Variants in TLE4 observed in about 807,000 individuals in gnomAD.
TLE4 encodes transducin-like enhancer protein 4.
TLE4 carries 8 observed loss-of-function variants against 92.8 expected under a neutral mutation model. That is an observed-to-expected ratio of 0.09 (90% CI 0.05 to 0.16). TLE4 has a LOEUF of 0.16. Among genes scored for constraint, TLE4 ranks in the 10% least tolerant of loss-of-function variants. The pLI is 1.00. For missense variants in TLE4, 675 were observed against 997.6 expected (o/e 0.68, Z 4.36); for synonymous variants, 371 against 374.1 (o/e 0.99, Z 0.10).
At chr9:79,583,160 T>C (rs1468035433) in intron 4 of TLE4, among the ~76,000 whole-genome samples, 1 of 152,190 alleles carries the variant, frequency 6.6e-6, no homozygotes, top group Non-Finnish European at 1.5e-5. Flanking sequence ...TCTCTTTTCA[T>C]TGGAACTTAC....
At chr9:79,685,107 T>C (rs1316887082) in intron 8 of TLE4, among the ~76,000 whole-genome samples, 1 of 152,120 alleles carries the variant, frequency 6.6e-6, no homozygotes, top group African/African-American at 2.4e-5. Flanking sequence ...TCATGAGAAA[T>C]AGCCCACGCC....
chr9:79,656,275 C>T (rs1485343712), intron 8 of TLE4, among the ~76,000 whole-genome samples: 1 of 152,164 alleles, frequency 6.6e-6, no homozygotes, highest in Non-Finnish European at 1.5e-5. Flanking sequence ...TTATGATTGT[C>T]TGCTGTGTGA....
At chr9:79,682,010 C>T (rs1314708675) in intron 8 of TLE4, among the ~76,000 whole-genome samples, 1 of 151,746 alleles carries the variant, frequency 6.6e-6, no homozygotes, top group Non-Finnish European at 1.5e-5. Flanking sequence ...CTCATGTAAC[C>T]TGTTATTGTT....
intron 5 of TLE4, 27 bp downstream of exon 5, chr9:79,612,745 A>G: frequency 6.2e-7 from 1 of 1,607,654 alleles, no homozygotes; most frequent in Non-Finnish European, 8.5e-7. Flanking sequence ...TAGGCACTGG[A>G]CTAGAAGTTG....
chr9:79,572,718 G>C lies in TLE4; in HGVS notation c.-73G>C. 6.6e-7 allele frequency: 1 copy of C among 1,515,802 alleles called. No individual in the cohort carries two copies. Among genetic ancestry groups the C allele is most frequent in the Non-Finnish European group, 9.0e-7 (1 of 1,113,704 alleles). The allele number at this position is 1,515,802 out of a possible 1,614,324, so 93.9% of individuals were successfully genotyped here. ...GCCGGCCGCCTCCGCTGCCGCGGCCGCCTCCTCTTCGGGGTCATTAAAGCC... is the reference window on the plus strand; with the variant it reads ...GCCGGCCGCCTCCGCTGCCGCGGCCCCCTCCTCTTCGGGGTCATTAAAGCC... On this transcript the variant is annotated 5_prime_UTR_variant, in exon 1 of 20. Coordinates refer to ENST00000376552, the MANE Select transcript of TLE4 (RefSeq NM_007005.6).
rs1343987655 is a variant in TLE4 at position 79,572,607 on chromosome 9, AC to A, written c.-181del. On this transcript the variant is annotated 5_prime_UTR_variant, in exon 1 of 20. The change creates a premature stop within an existing upstream ORF in the 5' untranslated region. Coordinates refer to ENST00000376552, the MANE Select transcript of TLE4 (RefSeq NM_007005.6). Reference sequence around the variant, plus strand: ...AATGCGGAGCGGCCCGGCAGCCGGCACCCAGCCGCCGCCGCGCGTTCCTGCC... The same window carrying A: ...AATGCGGAGCGGCCCGGCAGCCGGCACCAGCCGCCGCCGCGCGTTCCTGCC... 1.5e-5 allele frequency: 4 copies of A among 274,024 alleles called. No individual in the cohort carries two copies. The highest frequency in any genetic ancestry group is 5.6e-5 in the Admixed American group (1 of 18,004). The allele number at this position is 274,024 out of a possible 1,614,324, so 17.0% of individuals were successfully genotyped here. A position where few individuals can be genotyped will look rare whatever the true frequency, so the allele number is the denominator to read the frequency against.
chr9:79,607,797 T>C (rs1404354923), intron 4 of TLE4, among the ~76,000 whole-genome samples: 1 of 151,964 alleles, frequency 6.6e-6, no homozygotes, highest in Non-Finnish European at 1.5e-5. Flanking sequence ...TTTTGGTTAC[T>C]GTAGCCTTGT....
chr9:79,724,997 T>G (rs1270312460), intron 19 of TLE4, 40 bp from the exon 20 acceptor site: 1 of 1,511,136 alleles, frequency 6.6e-7, no homozygotes, highest in East Asian at 2.3e-5. Flanking sequence ...GGGATTTTCT[T>G]TCAGTATTTA....
chr9:79,696,943 C>T lies in TLE4; in HGVS notation c.610-7840C>T, dbSNP rs568995616. Among the ~76,000 whole-genome samples, 8 of 152,226 alleles carry T rather than the reference C, an allele frequency of 5.3e-5. No individual in the cohort carries two copies. In the South Asian group the frequency reaches 1.7e-3, roughly 32 times the overall value. On this transcript the variant is annotated intron_variant, in intron 8 of 19. Transcript: ENST00000376552. ...ACCCTCTCCACTTTTGTTTTTAGGGCAGTCAAACTCATGTACCACATGAGA... is the reference window on the plus strand; with the variant it reads ...ACCCTCTCCACTTTTGTTTTTAGGGTAGTCAAACTCATGTACCACATGAGA...
chr9:79,633,868 G>A (rs1180371735), intron 6 of TLE4, among the ~76,000 whole-genome samples: 1 of 152,148 alleles, frequency 6.6e-6, no homozygotes, highest in Non-Finnish European at 1.5e-5. Flanking sequence ...ATAAGAGACA[G>A]TCTCACACCA....
intron 4 of TLE4, among the ~76,000 whole-genome samples, chr9:79,610,302 G>A (rs996614224): frequency 1.2e-4 from 18 of 151,946 alleles, no homozygotes; most frequent in Middle Eastern, 3.2e-3. Context: ...TGGGCCCCAC[G>A]CCATTATATT....
intron 6 of TLE4, among the ~76,000 whole-genome samples, chr9:79,631,324 C>T (rs1036553494): frequency 6.6e-6 from 1 of 152,212 alleles, no homozygotes; most frequent in Non-Finnish European, 1.5e-5. Flanking sequence ...ACTTTCTCTA[C>T]CTCCTGCAGC....
intron 6 of TLE4, among the ~76,000 whole-genome samples, chr9:79,643,438 C>T (rs1385765651): frequency 6.6e-6 from 1 of 152,172 alleles, no homozygotes; most frequent in Non-Finnish European, 1.5e-5. Context: ...ACAAAATGTC[C>T]TTAATAGCAC....
chr9:79,691,780 C>T (rs993126329), intron 8 of TLE4, among the ~76,000 whole-genome samples: 2 of 152,200 alleles, frequency 1.3e-5, no homozygotes, highest in African/African-American at 2.4e-5. Flanking sequence ...TTTGCAGAAG[C>T]GTTTCCTGAC....
chr9:79,628,906 G>GTA lies in TLE4; in HGVS notation c.390+1459_390+1460insAT, dbSNP rs1250782858. On this transcript the variant is annotated intron_variant, in intron 6 of 19. Transcript: ENST00000376552. The stretch of plus-strand genomic sequence containing the variant: ...TGTGTGTGTGTGTGTGTGTGTGTGT[G>GTA]TGTATATGTATAAACCAGCTGTGCT... Among the ~76,000 whole-genome samples the GTA allele has an allele frequency of 1.2e-3, 183 of 148,154 alleles. 3 individuals carry two copies. The highest frequency in any genetic ancestry group is 0.01 in the Admixed American group (155 of 14,980).
At chr9:79,590,331 A>G (rs1046347434) in intron 4 of TLE4, among the ~76,000 whole-genome samples, 17 of 152,180 alleles carry the variant, frequency 1.1e-4, no homozygotes, top group Non-Finnish European at 1.5e-5. Context: ...TGTGCTTCTT[A>G]AGCTTCCACT....
At chr9:79,650,834 G>A (rs1263899298) in intron 6 of TLE4, among the ~76,000 whole-genome samples, 1 of 152,016 alleles carries the variant, frequency 6.6e-6, no homozygotes, top group East Asian at 1.9e-4. Context: ...TTAAGTGCAT[G>A]TAGCCAGAAC....
intron 6 of TLE4, among the ~76,000 whole-genome samples, chr9:79,648,032 T>C (rs2058363961): frequency 6.6e-6 from 1 of 152,078 alleles, no homozygotes; most frequent in Non-Finnish European, 1.5e-5. Context: ...TTTAGATGTC[T>C]CCCTAAACAG....
rs181170214 is a variant in TLE4 at position 79,654,559 on chromosome 9, C to T, written c.609+484C>T. Among the ~76,000 whole-genome samples, 470 of 150,236 alleles carry T rather than the reference C, an allele frequency of 3.1e-3. 1 individual carries two copies. Among genetic ancestry groups the T allele is most frequent in the African/African-American group, 0.011 (455 of 40,850 alleles). On this transcript the variant is annotated intron_variant, in intron 8 of 19. Transcript: ENST00000376552. Reference sequence around the variant, plus strand: ...TTAAATTTAAGTGAATTTTTTTCACCAACTTTTCTTTCAAATTAACATTTT... The same window carrying T: ...TTAAATTTAAGTGAATTTTTTTCACTAACTTTTCTTTCAAATTAACATTTT...
Sources: gnomAD v4.1 joint callset for allele counts (sites outside exome capture counted in the v4.1 genomes callset) on GRCh38, gnomAD v4.1.1 for gene constraint, MANE v1.5 for transcripts, NCBI Gene and HGNC (gene_info 2026-07-23, HGNC 2026-07-21) for gene names.